Variants in NELL1 observed in about 807,000 individuals in gnomAD.
NELL1 encodes protein kinase C-binding protein NELL1.
A neutral mutation model predicts 107.4 loss-of-function variants in NELL1; 76 were observed. The ratio of observed to expected loss-of-function variants is 0.71; its 90% CI spans 0.59 to 0.86. The LOEUF is 0.86. Ranked by LOEUF, NELL1 falls within the 40% of genes least tolerant of loss-of-function variation. NELL1 has a pLI of 0.00. For missense variants in NELL1, 1,024 were observed against 1,005.5 expected (o/e 1.02, Z -0.25); for synonymous variants, 353 against 341.2 (o/e 1.03, Z -0.38).
At chr11:21,184,997 AT>A (rs1856903790) in intron 13 of NELL1, among the ~76,000 whole-genome samples, 1 of 151,882 alleles carries the variant, frequency 6.6e-6, no homozygotes, top group Non-Finnish European at 1.5e-5. Flanking sequence ...AGCCAATCGC[AT>A]AAGAATTGCC....
chr11:21,334,258 G>C (rs996238989), intron 14 of NELL1, among the ~76,000 whole-genome samples: 1 of 151,950 alleles, frequency 6.6e-6, no homozygotes, highest in Admixed American at 6.6e-5. Context: ...TTGGAGGCCA[G>C]GAGTCTAAAA....
At chr11:21,121,943 G>A (rs1214506329) in intron 13 of NELL1, among the ~76,000 whole-genome samples, 3 of 152,118 alleles carry the variant, frequency 2.0e-5, no homozygotes, top group East Asian at 3.9e-4. Context: ...TTAAAATAAT[G>A]TTAGGGTTTA....
chr11:20,834,891 C>T (rs1327734640), intron 3 of NELL1, among the ~76,000 whole-genome samples: 1 of 152,032 alleles, frequency 6.6e-6, no homozygotes, highest in African/African-American at 2.4e-5. Flanking sequence ...GCCTATCAGT[C>T]CTAACATAAA....
At chr11:20,801,143 T>C (rs1857273817) in intron 3 of NELL1, among the ~76,000 whole-genome samples, 1 of 152,230 alleles carries the variant, frequency 6.6e-6, no homozygotes, top group South Asian at 2.1e-4. Flanking sequence ...TGGTTTCCTT[T>C]TTAATGAATG....
At chr11:21,520,098 G>A (rs1461731130) in intron 15 of NELL1, among the ~76,000 whole-genome samples, 6 of 152,088 alleles carry the variant, frequency 3.9e-5, no homozygotes, top group South Asian at 2.1e-4. Flanking sequence ...AAACACACAC[G>A]CTGTCAAAGT....
intron 14 of NELL1, among the ~76,000 whole-genome samples, chr11:21,326,025 C>T (rs546208147): frequency 1.4e-5 from 2 of 139,532 alleles, no homozygotes; most frequent in South Asian, 2.3e-4. Flanking sequence ...TGTTTATCCA[C>T]CACGGATATT....
At chr11:21,080,362 A>G (rs1424118155) in intron 12 of NELL1, among the ~76,000 whole-genome samples, 4 of 152,090 alleles carry the variant, frequency 2.6e-5, no homozygotes, top group Non-Finnish European at 5.9e-5. Flanking sequence ...CCTTTTCATG[A>G]TCTGGCATGA....
At chr11:21,134,726 A>G (rs1855705290) in intron 13 of NELL1, among the ~76,000 whole-genome samples, 1 of 152,154 alleles carries the variant, frequency 6.6e-6, no homozygotes, top group Non-Finnish European at 1.5e-5. Context: ...TTTAAGTATC[A>G]TTTGAGAGAG....
chr11:21,333,358 T>C (rs1202094988), intron 14 of NELL1, among the ~76,000 whole-genome samples: 1 of 152,020 alleles, frequency 6.6e-6, no homozygotes, highest in Admixed American at 6.6e-5. Flanking sequence ...ACAATGTAGG[T>C]AAACCATTCT....
chr11:21,057,545 A>G (rs184192266), intron 12 of NELL1, among the ~76,000 whole-genome samples: 3 of 152,138 alleles, frequency 2.0e-5, no homozygotes, highest in Admixed American at 2.0e-4. Context: ...TCTTGAAACA[A>G]TGTTTAACAA....
At chr11:20,883,857 A>G (rs887837910) in intron 4 of NELL1, among the ~76,000 whole-genome samples, 2 of 152,166 alleles carry the variant, frequency 1.3e-5, no homozygotes, top group Non-Finnish European at 2.9e-5. Context: ...TTTTTCCACT[A>G]ATGTTAGGAG....
At position 20,843,419 on chromosome 11, in the gene NELL1, A is replaced by T. The variant is rs1159004691; in HGVS notation, c.336-4164A>T. Among the ~76,000 whole-genome samples the T allele has an allele frequency of 2.0e-5, 3 of 152,148 alleles. No homozygotes were observed. In the East Asian group the frequency reaches 5.8e-4, roughly 29 times the overall value. ...ACTGGAAAAGAGACCTTTTCTAAGA[A>T]ATGTTTTACCTTTACTTGTGATTTA... is the stretch of plus-strand genomic sequence containing the variant. On this transcript the variant is annotated intron_variant, in intron 3 of 19. Transcript: ENST00000357134.
At chr11:21,484,933 C>T (rs991136218) in intron 15 of NELL1, among the ~76,000 whole-genome samples, 11 of 152,024 alleles carry the variant, frequency 7.2e-5, no homozygotes, top group African/African-American at 2.7e-4. Flanking sequence ...TGGAATATAA[C>T]CAAGAAGTGA....
chr11:20,796,839 G>A (rs575753228), intron 3 of NELL1, among the ~76,000 whole-genome samples: 2 of 152,214 alleles, frequency 1.3e-5, no homozygotes, highest in South Asian at 4.2e-4. Flanking sequence ...ACCCTACCTC[G>A]ACCAAAAGGA....
intron 11 of NELL1, among the ~76,000 whole-genome samples, chr11:20,956,304 G>A (rs1851169944): frequency 6.6e-6 from 1 of 152,120 alleles, no homozygotes; most frequent in Admixed American, 6.5e-5. Context: ...CTTGAACCCT[G>A]TATAACAACT....
chr11:21,363,395 A>G (rs761179181), intron 14 of NELL1, among the ~76,000 whole-genome samples: 1 of 152,146 alleles, frequency 6.6e-6, no homozygotes, highest in Non-Finnish European at 1.5e-5. Flanking sequence ...CCAAGTGGAG[A>G]TGTGTGTTCA....
At chr11:21,170,211 C>T (rs1196057976) in intron 13 of NELL1, 8 of 486,796 alleles carry the variant, frequency 1.6e-5, no homozygotes, top group Admixed American at 6.6e-5. Context: ...ATCTGTCGAA[C>T]GTGTTGGGAA....
At chr11:21,063,561 G>A (rs913245474) in intron 12 of NELL1, among the ~76,000 whole-genome samples, 7 of 152,098 alleles carry the variant, frequency 4.6e-5, no homozygotes, top group African/African-American at 1.7e-4. Flanking sequence ...GATACAGGAG[G>A]CTCATATATA....
At chr11:20,994,598 A>C (rs1010724342) in intron 12 of NELL1, among the ~76,000 whole-genome samples, 2 of 152,206 alleles carry the variant, frequency 1.3e-5, no homozygotes, top group African/African-American at 2.4e-5. Context: ...TTTGTAGGGA[A>C]AATGTAAATT....
Sources: gnomAD v4.1 joint callset for allele counts (sites outside exome capture counted in the v4.1 genomes callset) on GRCh38, gnomAD v4.1.1 for gene constraint, MANE v1.5 for transcripts, NCBI Gene and HGNC (gene_info 2026-07-23, HGNC 2026-07-21) for gene names.